PMS2: variants seen among roughly 807,000 people sequenced by gnomAD.
PMS2 encodes the protein mismatch repair endonuclease PMS2.
In PMS2, 69 loss-of-function variants were observed where a neutral mutation model predicts 90.0. The observed-to-expected ratio is 0.77, with a 90% CI of 0.63 to 0.94. The LOEUF is 0.94. Ranked by LOEUF, PMS2 falls within the 40% of genes least tolerant of loss-of-function variation. The probability of loss-of-function intolerance (pLI) is 0.00; values close to 1 mark genes in which losing one functional copy is unlikely to be tolerated. For synonymous variants in PMS2, 332 were observed against 375.1 expected, an observed-to-expected ratio of 0.89 and a Z score of 1.33; for missense variants, 966 against 1,040.2, an observed-to-expected ratio of 0.93 and a Z score of 0.98.
intron 8 of PMS2, among the ~76,000 whole-genome samples, chr7:5,992,944 G>A (rs56404357): frequency 2.0e-5 from 3 of 152,152 alleles, no homozygotes; most frequent in African/African-American, 7.2e-5. Flanking sequence ...ACATTAAAAT[G>A]TCATTAGAAA....
chr7:5,978,857 A>C lies in PMS2; in HGVS notation c.2175-161T>G, dbSNP rs1439919906. On this transcript the variant is annotated intron_variant, in intron 12 of 14. Coordinates refer to ENST00000265849, the MANE Select transcript of PMS2 (RefSeq NM_000535.7). ...CTAAGTGTCACAAAACTTCCTGAGA[A>C]GTTCCTTTTAATTTTCTCTTTCTTA... Among the ~76,000 whole-genome samples the C allele has an allele frequency of 4.0e-5, 6 of 149,402 alleles. 2 individuals are homozygous for C. Among genetic ancestry groups the C allele is most frequent in the African/African-American group, 1.5e-4 (6 of 39,670 alleles).
At chr7:5,992,483 A>G (rs1486248007) in intron 8 of PMS2, among the ~76,000 whole-genome samples, 1 of 151,812 alleles carries the variant, frequency 6.6e-6, no homozygotes, top group Non-Finnish European at 1.5e-5. Context: ...CCATGACCAG[A>G]TAATTTTTGT....
chr7:5,989,760 A>G, intron 10 of PMS2, 40 bp downstream of exon 10: 3 of 1,532,484 alleles, frequency 2.0e-6, no homozygotes, highest in Non-Finnish European at 2.7e-6. Context: ...CACATTAGCT[A>G]AAAGCTTTAG....
chr7:6,003,925 C>T (rs2128828809), intron 3 of PMS2, 47 bp downstream of exon 3: 1 of 1,357,632 alleles, frequency 7.4e-7, no homozygotes, highest in Non-Finnish European at 1.1e-6. Flanking sequence ...AATTCTGAGA[C>T]ATGTGACCCA....
chr7:5,986,733 GA>G, intron 11 of PMS2, 25 bp downstream of exon 11: 1 of 1,517,220 alleles, frequency 6.6e-7, no homozygotes, highest in Non-Finnish European at 8.9e-7. Context: ...GATAAAAAGA[GA>G]AAAAGTAAAA....
chr7:5,988,593 C>A (rs1465906542), intron 10 of PMS2, among the ~76,000 whole-genome samples: 1 of 152,032 alleles, frequency 6.6e-6, no homozygotes, highest in South Asian at 2.1e-4. Context: ...TATCTATGCT[C>A]GTCAAAAAGA....
chr7:6,002,258 CTA>C, intron 5 of PMS2, 193 bp downstream of exon 5: 4 of 553,048 alleles, frequency 7.2e-6, no homozygotes, highest in Non-Finnish European at 1.3e-5. Flanking sequence ...CTAATAAACA[CTA>C]TGTGATGAAA....
At position 5,997,387 on chromosome 7, in the gene PMS2, T is replaced by C; in HGVS notation, c.742A>G (p.Ser248Gly). 1.2e-6 allele frequency: 2 copies of C among 1,601,742 alleles called. No individual in the cohort carries two copies. The highest frequency in any genetic ancestry group is 1.7e-6 in the Non-Finnish European group (2 of 1,173,804). ...SLIPFVQLPP[S>G]DSVCEEYGLS... ...CCGTACTCTTCACACACGGAGTCAC[T>C]AGGGGGCAGCTGAACAAAAGGAATG... Residue 248 changes from serine to glycine, a missense_variant, in exon 7 of 15, where the codon AGT becomes GGT. Physicochemically the swap from Ser to Gly is moderately conservative, Grantham distance 56. Coordinates refer to ENST00000265849, the MANE Select transcript of PMS2 (RefSeq NM_000535.7).
intron 4 of PMS2, chr7:6,003,165 A>G (rs1045183187): frequency 3.1e-5 from 5 of 163,496 alleles, no homozygotes; most frequent in African/African-American, 7.2e-5. Context: ...GTGGTGGTGC[A>G]TGCCTATAGT....
intron 5 of PMS2, among the ~76,000 whole-genome samples, chr7:6,000,072 T>G (rs1403214508): frequency 6.6e-6 from 1 of 151,662 alleles, no homozygotes; most frequent in East Asian, 2.0e-4. Context: ...CACAATATGC[T>G]AAGTAAAAAG....
In PMS2 at chr7:5,995,671, G is replaced by A. The variant is rs1430606716; in HGVS notation, c.804-38C>T. 2 of 1,353,554 alleles carry A rather than the reference G, an allele frequency of 1.5e-6. No homozygotes were observed. The highest frequency in any genetic ancestry group is 2.3e-5 in the East Asian group (1 of 43,706). 83.8% of individuals were successfully genotyped at this position (1,353,554 alleles called of 1,614,324 possible). Reference sequence around the variant, plus strand: ...AATATGGTAAGGGCAGGATTCCAGAGTGAAAGGGATTAGAAATACGATCAC... The same window carrying A: ...AATATGGTAAGGGCAGGATTCCAGAATGAAAGGGATTAGAAATACGATCAC... On this transcript the variant is annotated intron_variant, in intron 7 of 14. Transcript: ENST00000265849.
At chr7:5,978,949 C>A (rs1053640177) in intron 12 of PMS2, among the ~76,000 whole-genome samples, 1 of 148,914 alleles carries the variant, frequency 6.7e-6, no homozygotes, top group Admixed American at 6.6e-5. Flanking sequence ...AATCTCAGCA[C>A]TTTAGGAGCC....
chr7:6,002,185 A>C, intron 5 of PMS2: 2 of 380,424 alleles, frequency 5.3e-6, no homozygotes, highest in Non-Finnish European at 9.9e-6. Flanking sequence ...ACATGTCACC[A>C]TGCCCAGTAA....
At chr7:5,982,629 G>A (rs556171361) in intron 12 of PMS2, among the ~76,000 whole-genome samples, 195 bp downstream of exon 12, 2,979 of 151,494 alleles carry the variant, frequency 0.02, 43 homozygotes, top group African/African-American at 0.069. Context: ...GAGGCACCGC[G>A]CCTGGCCAAC....
chr7:5,991,770 C>A (rs1341845680), intron 9 of PMS2, among the ~76,000 whole-genome samples: 7 of 151,782 alleles, frequency 4.6e-5, no homozygotes, highest in Non-Finnish European at 1.0e-4. Context: ...ACCCGGGAGG[C>A]AGAGGTTGCA....
intron 12 of PMS2, among the ~76,000 whole-genome samples, chr7:5,982,585 C>T (rs1469807449): frequency 2.8e-4 from 43 of 152,154 alleles, no homozygotes; most frequent in African/African-American, 9.9e-4. Context: ...GATCTGCCTG[C>T]CTCGGCCTCC....
intron 11 of PMS2, among the ~76,000 whole-genome samples, chr7:5,983,692 C>T (rs535427140): frequency 6.6e-6 from 1 of 151,432 alleles, no homozygotes; most frequent in East Asian, 1.9e-4. Flanking sequence ...CTCTCTGTTG[C>T]CCAGGCTGGA....
At chr7:5,997,140 G>A (rs983769299) in intron 7 of PMS2, among the ~76,000 whole-genome samples, 186 bp downstream of exon 7, 1 of 151,770 alleles carries the variant, frequency 6.6e-6, no homozygotes. Flanking sequence ...CTTGAACTCA[G>A]GAGGTAGAGG....
rs1341258648 is a variant in PMS2, at chr7:6,007,106, A to G, written c.24-1075T>C. 6.1e-5 allele frequency among the ~76,000 whole-genome samples: 9 copies of G among 148,054 alleles called. No individual in the cohort carries two copies. The East Asian group carries it at 1.2e-3, about 19-fold the overall frequency. ...CCCCTACATTATTATTATTATTATT[A>G]TTATTATTGTTATTATTGTTATTAT... On this transcript the variant is annotated intron_variant, in intron 1 of 14. Coordinates refer to ENST00000265849, the MANE Select transcript of PMS2 (RefSeq NM_000535.7).
Sources: gnomAD v4.1 joint callset for allele counts (sites outside exome capture counted in the v4.1 genomes callset) on GRCh38, gnomAD v4.1.1 for gene constraint, MANE v1.5 for transcripts, NCBI Gene and HGNC (gene_info 2026-07-23, HGNC 2026-07-21) for gene names.